Variants in NBN observed in about 807,000 individuals in gnomAD.
NBN encodes the protein Nijmegen breakage syndrome 1 (nibrin).
NBN carries 88 observed loss-of-function variants against 90.8 expected under a neutral mutation model. The ratio of observed to expected loss-of-function variants is 0.97; its 90% CI spans 0.82 to 1.16. NBN has a LOEUF of 1.16. NBN is among the 50% of genes most tolerant of loss of function. The pLI is 0.00. For synonymous variants in NBN, 328 were observed against 295.1 expected (o/e 1.11, Z -1.14); for missense variants, 894 against 869.6 (o/e 1.03, Z -0.35).
intron 14 of NBN, among the ~76,000 whole-genome samples, chr8:89,942,441 G>A (rs535940562): frequency 1.3e-5 from 2 of 152,160 alleles, no homozygotes; most frequent in South Asian, 2.1e-4. Context: ...CCTACAGATC[G>A]AGTTACAAAG....
intron 11 of NBN, among the ~76,000 whole-genome samples, chr8:89,950,282 A>G (rs1186544339): frequency 6.6e-6 from 1 of 152,236 alleles, no homozygotes; most frequent in Non-Finnish European, 1.5e-5. Context: ...TCCCTGATAA[A>G]AAAAAGCATA....
At chr8:89,980,101 T>TA (rs1017415222) in intron 4 of NBN, among the ~76,000 whole-genome samples, 3 of 152,046 alleles carry the variant, frequency 2.0e-5, no homozygotes, top group African/African-American at 7.2e-5. Context: ...TGTGCAAAAA[T>TA]AAAAAAACCC....
Position 89,981,516 on chromosome 8 carries a change from G to T in NBN, c.179C>A (p.Thr60Lys), listed in dbSNP as rs1586109164. ...ANFSVTNLSQTDEIPVLTLKD... is the reference protein window; with the variant it reads ...ANFSVTNLSQKDEIPVLTLKD... Reference sequence around the variant, plus strand: ...TAATGTCAATACAGGGATTTCATCTGTTTGACTCTGAAAAGTTAGCAAATA... The same window carrying T: ...TAATGTCAATACAGGGATTTCATCTTTTTGACTCTGAAAAGTTAGCAAATA... Residue 60 changes from threonine to lysine, a missense_variant, in exon 3 of 16, where the codon ACA (threonine) becomes AAA (lysine). By Grantham distance (78) the Thr-to-Lys change is moderately conservative. Coordinates refer to ENST00000265433, the MANE Select transcript of NBN (RefSeq NM_002485.5). 6.2e-7 allele frequency: 1 copy of T among 1,612,752 alleles called. No homozygotes were observed.
chr8:89,967,176 G>A (rs10282890), intron 7 of NBN, among the ~76,000 whole-genome samples: 10,422 of 152,188 alleles, frequency 0.068, 1,071 homozygotes, highest in African/African-American at 0.22. Context: ...ACATTCCAAA[G>A]ATGTGCACAT....
intron 13 of NBN, among the ~76,000 whole-genome samples, chr8:89,945,618 A>T (rs1422741528): frequency 6.6e-6 from 1 of 152,180 alleles, no homozygotes; most frequent in Admixed American, 6.5e-5. Context: ...TACCTACTGG[A>T]TAGAAGTCTT....
At chr8:89,983,008 T>C (rs1812150962) in intron 1 of NBN, 153 bp from the exon 2 acceptor site, 1 of 342,762 alleles carries the variant, frequency 2.9e-6, no homozygotes, top group Non-Finnish European at 4.1e-6. Flanking sequence ...TTTACATATG[T>C]CAAACTTGTG....
At chr8:89,969,158 A>G (rs1455030958) in intron 7 of NBN, among the ~76,000 whole-genome samples, 1 of 152,218 alleles carries the variant, frequency 6.6e-6, no homozygotes. Context: ...CCACATGAAG[A>G]GCAATTTAGT....
rs778943002 is a variant in NBN at position 89,981,384 on chromosome 8, C to G, written c.311G>C (p.Ser104Thr). The change falls in exon 3 of 16, where the codon AGT becomes ACT. Residue 104 changes from serine (S) to threonine (T), a missense_variant. Ser to Thr is a moderately conservative substitution (Grantham distance 58). Coordinates refer to ENST00000265433, the MANE Select transcript of NBN (RefSeq NM_002485.5). The part of the protein sequence containing the change: ...GDGITFGVFG[S>T]KFRIEYEPLV... ...TTTTAAAATGTCTTACCTGAATTTACTTCCAAACACTCCAAAAGTAATACC... is the reference window on the plus strand; with the variant it reads ...TTTTAAAATGTCTTACCTGAATTTAGTTCCAAACACTCCAAAAGTAATACC... 1 of 1,613,962 alleles carries G rather than the reference C, an allele frequency of 6.2e-7. No individual in the cohort carries two copies. Among genetic ancestry groups the G allele is most frequent in the South Asian group, 1.1e-5 (1 of 91,082 alleles).
At chr8:89,962,835 T>C (rs982664377) in intron 8 of NBN, among the ~76,000 whole-genome samples, 15 of 152,176 alleles carry the variant, frequency 9.9e-5, no homozygotes, top group African/African-American at 2.9e-4. Context: ...CAGATGTCTA[T>C]GCTTTTGCAT....
chr8:89,980,653 T>C, intron 4 of NBN, 81 bp downstream of exon 4: 1 of 1,219,942 alleles, frequency 8.2e-7, no homozygotes, highest in Non-Finnish European at 1.2e-6. Flanking sequence ...TTTAAAGTAA[T>C]TAAAAAAAAA....
At position 89,953,062 on chromosome 8, in the gene NBN, T is replaced by C. The variant is rs550577769; in HGVS notation, c.1845+182A>G. 2.0e-5 allele frequency among the ~76,000 whole-genome samples: 3 copies of C among 152,310 alleles called. No individual in the cohort carries two copies. In the South Asian group the frequency reaches 6.2e-4, roughly 32 times the overall value. On this transcript the variant is annotated intron_variant, in intron 11 of 15. Transcript: ENST00000265433. ...AAGTTTAATTTGTGGTCATTTATTT[T>C]ACACTACTGAAGAATCACTGTACTT...
chr8:89,962,328 G>C (rs1435686676), intron 8 of NBN, among the ~76,000 whole-genome samples: 3 of 152,126 alleles, frequency 2.0e-5, no homozygotes, highest in Non-Finnish European at 4.4e-5. Flanking sequence ...CTGAGACAAG[G>C]GGAGCTACTG....
In NBN at chr8:89,953,685, C is replaced by A. The variant is rs730881851; in HGVS notation, c.1404G>T (p.Arg468Ser). Residue 468 changes from arginine (R) to serine (S), a missense_variant, in exon 11 of 16, where the codon AGG becomes AGT. Physicochemically the swap from Arg to Ser is moderately radical, Grantham distance 110. Transcript: ENST00000265433. Reference sequence around the variant, plus strand: ...AAGACATTTCTTGATTTTCTTCATCCCTTTCCCTTAGATTTAAAAAAAAAG... The same window carrying A: ...AAGACATTTCTTGATTTTCTTCATCACTTTCCCTTAGATTTAAAAAAAAAG... ...YFQPSTKKRE[R>S]DEENQEMSSC... The A allele has an allele frequency of 8.7e-6, 14 of 1,608,526 alleles. No homozygotes were observed. The highest frequency in any genetic ancestry group is 1.2e-5 in the Non-Finnish European group (14 of 1,177,782).
At chr8:89,963,242 C>T (rs1811082250) in intron 8 of NBN, among the ~76,000 whole-genome samples, 1 of 152,162 alleles carries the variant, frequency 6.6e-6, no homozygotes, top group Non-Finnish European at 1.5e-5. Flanking sequence ...CTTGTTTAAA[C>T]CAAGGTTGCA....
chr8:89,970,479 T>G lies in NBN; in HGVS notation c.781A>C (p.Asn261His), dbSNP rs1382088021. ...LITEENEEEHNFFLAPGTCVV... is the reference protein window; with the variant it reads ...LITEENEEEHHFFLAPGTCVV... Reference sequence around the variant, plus strand: ...CACGTTCCCGGAGCCAAAAAGAAATTATGTTCTTCTTCATTCTCTTCTGTT... The same window carrying G: ...CACGTTCCCGGAGCCAAAAAGAAATGATGTTCTTCTTCATTCTCTTCTGTT... The change falls in exon 7 of 16, where the codon AAT becomes CAT. Residue 261 changes from asparagine (N) to histidine (H), a missense_variant. Asn to His is a moderately conservative substitution (Grantham distance 68). Coordinates refer to ENST00000265433, the MANE Select transcript of NBN (RefSeq NM_002485.5). The G allele has an allele frequency of 6.2e-7, 1 of 1,613,742 alleles. No homozygotes were observed. Among genetic ancestry groups the G allele is most frequent in the Non-Finnish European group, 8.5e-7 (1 of 1,179,814 alleles).
chr8:89,952,970 T>A (rs1810508298), intron 11 of NBN, among the ~76,000 whole-genome samples: 2 of 152,182 alleles, frequency 1.3e-5, no homozygotes, highest in South Asian at 4.1e-4. Flanking sequence ...ACACTTATCA[T>A]CATAGCCAAA....
intron 13 of NBN, among the ~76,000 whole-genome samples, chr8:89,944,135 G>A (rs1035935689): frequency 6.6e-6 from 1 of 152,104 alleles, no homozygotes; most frequent in Non-Finnish European, 1.5e-5. Flanking sequence ...ACCTAGGCTG[G>A]AGAGTGCAGT....
intron 11 of NBN, among the ~76,000 whole-genome samples, chr8:89,949,968 G>A (rs752389903): frequency 3.7e-4 from 57 of 152,122 alleles, no homozygotes; most frequent in Admixed American, 7.9e-4. Context: ...ATTGAGTAAG[G>A]TTGATGGATT....
At position 89,982,288 on chromosome 8, in the gene NBN, C is replaced by G. The variant is rs377058328; in HGVS notation, c.171+434G>C. The G allele has an allele frequency of 1.7e-4, 43 of 251,938 alleles. 1 individual carries two copies. The East Asian group carries it at 2.5e-3, about 15-fold the overall frequency. 15.6% of individuals were successfully genotyped at this position (251,938 alleles called of 1,614,324 possible). On this transcript the variant is annotated intron_variant, in intron 2 of 15. Coordinates refer to ENST00000265433, the MANE Select transcript of NBN (RefSeq NM_002485.5). ...TATATGAGAAATGCCCGTTTCCACA[C>G]AGCTACATAACCTCTTTAAGAGCCA...
Sources: gnomAD v4.1 joint callset for allele counts (sites outside exome capture counted in the v4.1 genomes callset) on GRCh38, gnomAD v4.1.1 for gene constraint, MANE v1.5 for transcripts, NCBI Gene and HGNC (gene_info 2026-07-23, HGNC 2026-07-21) for gene names.